Variants in DLGAP1 observed in about 807,000 individuals in gnomAD.
The protein encoded by DLGAP1 is DLG associated protein 1.
DLGAP1 carries 11 observed loss-of-function variants against 90.8 expected under a neutral mutation model. The ratio of observed to expected loss-of-function variants is 0.12; its 90% CI spans 0.08 to 0.20. The LOEUF (loss-of-function observed/expected upper bound fraction) is 0.20, where lower values mean the gene tolerates loss of function less well. Among genes scored for constraint, DLGAP1 ranks in the 10% least tolerant of loss-of-function variants. The pLI, the probability that DLGAP1 is intolerant of heterozygous loss-of-function variation, is 1.00. For missense variants in DLGAP1, 1,050 were observed against 1,333.8 expected (o/e 0.79, Z 3.31); for synonymous variants, 558 against 540.7 (o/e 1.03, Z -0.44).
At chr18:4,130,830 A>C (rs2076302521) in intron 2 of DLGAP1, among the ~76,000 whole-genome samples, 1 of 152,152 alleles carries the variant, frequency 6.6e-6, no homozygotes, top group Non-Finnish European at 1.5e-5. Context: ...AGGACAGAGG[A>C]GGCAGGAAAA....
At chr18:4,220,713 T>A (rs2078056750) in intron 1 of DLGAP1, among the ~76,000 whole-genome samples, 2 of 152,156 alleles carry the variant, frequency 1.3e-5, no homozygotes, top group African/African-American at 4.8e-5. Flanking sequence ...AAATTCCATC[T>A]AGTATTCCCT....
intron 3 of DLGAP1, among the ~76,000 whole-genome samples, chr18:3,913,385 C>T (rs767616458): frequency 6.6e-6 from 1 of 152,180 alleles, no homozygotes; most frequent in Admixed American, 6.5e-5. Context: ...CCACCATGCT[C>T]AGCCAGAAAG....
chr18:4,395,379 A>T (rs2082418213), intron 1 of DLGAP1, among the ~76,000 whole-genome samples: 1 of 119,766 alleles, frequency 8.3e-6, no homozygotes, highest in South Asian at 2.9e-4. Flanking sequence ...ATCAAAATCA[A>T]ATAGGGGGTA....
intron 1 of DLGAP1, among the ~76,000 whole-genome samples, chr18:4,450,217 T>A (rs978327914): frequency 1.3e-5 from 2 of 152,158 alleles, no homozygotes; most frequent in East Asian, 3.9e-4. Context: ...CTTAGTGATA[T>A]CTAGCAGGGA....
At chr18:4,304,544 T>A (rs1205496154) in intron 1 of DLGAP1, among the ~76,000 whole-genome samples, 1 of 152,260 alleles carries the variant, frequency 6.6e-6, no homozygotes, top group Non-Finnish European at 1.5e-5. Context: ...TTGTCACTAC[T>A]GCAGATTTTA....
chr18:3,616,475 T>G (rs144732643), intron 7 of DLGAP1, among the ~76,000 whole-genome samples: 10 of 151,912 alleles, frequency 6.6e-5, no homozygotes, highest in South Asian at 2.1e-4. Flanking sequence ...CTAGGCCAGG[T>G]GCAGTGGCTC....
chr18:3,982,761 C>T (rs980857411), intron 3 of DLGAP1, among the ~76,000 whole-genome samples: 1 of 152,202 alleles, frequency 6.6e-6, no homozygotes, highest in Non-Finnish European at 1.5e-5. Flanking sequence ...TATTCTACAA[C>T]ATTCTAGCAC....
At chr18:3,927,078 T>C (rs1393104841) in intron 3 of DLGAP1, among the ~76,000 whole-genome samples, 1 of 152,084 alleles carries the variant, frequency 6.6e-6, no homozygotes, top group African/African-American at 2.4e-5. Flanking sequence ...AATAAATAAA[T>C]GAGAGAAAAA....
chr18:3,573,486 G>A (rs1470620952), intron 8 of DLGAP1, among the ~76,000 whole-genome samples: 2 of 152,054 alleles, frequency 1.3e-5, no homozygotes, highest in Non-Finnish European at 2.9e-5. Flanking sequence ...TGGGTGACAA[G>A]AGCAAAACTC....
chr18:4,310,439 T>C lies in DLGAP1; in HGVS notation c.-267+144567A>G, dbSNP rs2080371898. Among the ~76,000 whole-genome samples the C allele has an allele frequency of 1.3e-5, 2 of 152,242 alleles. 1 individual carries two copies. The highest frequency in any genetic ancestry group is 4.1e-4 in the South Asian group (2 of 4,838). On this transcript the variant is annotated intron_variant, in intron 1 of 12. Coordinates refer to ENST00000315677, the MANE Select transcript of DLGAP1 (RefSeq NM_004746.4). The stretch of plus-strand genomic sequence containing the variant: ...CTTCCCCAGGAAGTTTCCCACTTCA[T>C]TCTTTAAGGTAAGTTCAATTTCCAC...
intron 11 of DLGAP1, among the ~76,000 whole-genome samples, chr18:3,507,464 C>T (rs1043648146): frequency 2.0e-5 from 3 of 151,774 alleles, no homozygotes; most frequent in Non-Finnish European, 2.9e-5. Flanking sequence ...TGCAGTGAGC[C>T]GAGCCGAGAT....
intron 9 of DLGAP1, among the ~76,000 whole-genome samples, chr18:3,558,800 C>G (rs2053907669): frequency 6.6e-6 from 1 of 152,070 alleles, no homozygotes; most frequent in Non-Finnish European, 1.5e-5. Context: ...ATAGTTAAGT[C>G]TTGTTTTCTT....
intron 3 of DLGAP1, among the ~76,000 whole-genome samples, chr18:3,928,386 A>G (rs1333005311): frequency 6.6e-6 from 1 of 152,218 alleles, no homozygotes; most frequent in East Asian, 1.9e-4. Context: ...CTGAAAGTTC[A>G]TTATGTGCCT....
chr18:4,299,104 A>ACC (rs776441314), intron 1 of DLGAP1, among the ~76,000 whole-genome samples: 1 of 131,758 alleles, frequency 7.6e-6, no homozygotes, highest in Non-Finnish European at 1.6e-5. Context: ...AAAAAAAAAA[A>ACC]AAAAAATAGA....
intron 4 of DLGAP1, among the ~76,000 whole-genome samples, chr18:3,829,402 C>T (rs1046678285): frequency 1.6e-5 from 2 of 124,754 alleles, no homozygotes; most frequent in African/African-American, 6.1e-5. Context: ...TAGAGCTGAC[C>T]CTTAATGGAT....
chr18:4,129,737 T>C (rs1280727342), intron 2 of DLGAP1, among the ~76,000 whole-genome samples: 1 of 152,116 alleles, frequency 6.6e-6, no homozygotes, highest in Non-Finnish European at 1.5e-5. Context: ...ATTAGGACAA[T>C]GGGATTCTGT....
chr18:4,429,205 G>A (rs1185497431), intron 1 of DLGAP1, among the ~76,000 whole-genome samples: 1 of 152,104 alleles, frequency 6.6e-6, no homozygotes, highest in African/African-American at 2.4e-5. Flanking sequence ...GGATGAGTTA[G>A]AACAGCAGGA....
intron 2 of DLGAP1, among the ~76,000 whole-genome samples, chr18:4,112,195 T>A (rs2075986725): frequency 2.0e-5 from 3 of 152,124 alleles, no homozygotes; most frequent in Non-Finnish European, 2.9e-5. Flanking sequence ...TTATTTAGGA[T>A]GCGTTGGGTA....
chr18:4,041,392 G>C (rs924291152), intron 2 of DLGAP1, among the ~76,000 whole-genome samples: 1 of 152,140 alleles, frequency 6.6e-6, no homozygotes, highest in East Asian at 1.9e-4. Flanking sequence ...AGGTCAGATT[G>C]TTACAAAGTT....
Sources: gnomAD v4.1 joint callset for allele counts (sites outside exome capture counted in the v4.1 genomes callset) on GRCh38, gnomAD v4.1.1 for gene constraint, MANE v1.5 for transcripts, NCBI Gene and HGNC (gene_info 2026-07-23, HGNC 2026-07-21) for gene names.